SPATA31H1: variants seen among roughly 807,000 people sequenced by gnomAD.
SPATA31H1 encodes spermatogenesis-associated protein 31H1.
chr2:27,572,616 C>G, the SPATA31H1 span: 238 of 398,138 alleles, frequency 6.0e-4, 1 homozygote, highest in African/African-American at 4.2e-3. Flanking sequence ...GCCACAACTT[C>G]AAGGTGTGAA....
chr2:27,544,843 C>T, the SPATA31H1 span, among the ~76,000 whole-genome samples: 17 of 151,736 alleles, frequency 1.1e-4, no homozygotes, highest in Admixed American at 6.6e-4. Context: ...CCACTTCATC[C>T]GGCCGACAAC....
the SPATA31H1 span, among the ~76,000 whole-genome samples, chr2:27,538,054 A>G: frequency 1.3e-5 from 2 of 152,072 alleles, no homozygotes; most frequent in African/African-American, 4.8e-5. Context: ...AGCGTATTGG[A>G]TGTGTTTGAG....
chr2:27,569,955 T>C, the SPATA31H1 span: 188 of 398,900 alleles, frequency 4.7e-4, 1 homozygote, highest in African/African-American at 3.4e-3. Flanking sequence ...ATCTGATGAA[T>C]TGACCTCAGA....
chr2:27,580,946 A>C, the SPATA31H1 span: 1 of 1,614,244 alleles, frequency 6.2e-7, no homozygotes, highest in African/African-American at 1.3e-5. Context: ...CCAAGCCCAC[A>C]GATTCCCAAA....
At chr2:27,575,967 A>G in the SPATA31H1 span, 4 of 398,378 alleles carry the variant, frequency 1.0e-5, no homozygotes, top group African/African-American at 8.2e-5. The surrounding 1 kb of genome is among the most constrained non-coding windows in gnomAD (Gnocchi z 4.1). Flanking sequence ...GACACCTATG[A>G]TGTTCAACCC....
chr2:27,555,142 A>G, the SPATA31H1 span, among the ~76,000 whole-genome samples: 3 of 151,960 alleles, frequency 2.0e-5, no homozygotes, highest in Non-Finnish European at 4.4e-5. Context: ...ATCAATTTAT[A>G]GGATCATGTG....
chr2:27,581,709 C>G, the SPATA31H1 span: 1 of 1,613,272 alleles, frequency 6.2e-7, no homozygotes, highest in South Asian at 1.1e-5. Context: ...ACATCACAGT[C>G]CCTCTAAGAG....
At chr2:27,574,717 T>A in the SPATA31H1 span, 1 of 398,370 alleles carries the variant, frequency 2.5e-6, no homozygotes, top group Non-Finnish European at 4.4e-6. Context: ...TTACAAGGTG[T>A]GACATCTTCT....
the SPATA31H1 span, chr2:27,577,649 T>C: frequency 6.2e-7 from 1 of 1,613,970 alleles, no homozygotes; most frequent in African/African-American, 1.3e-5. This position sits in a 1 kb window ranked among gnomAD's most constrained non-coding sequence, Gnocchi z 4.5. Flanking sequence ...ATCGAGTTCC[T>C]GAATCTGTGG....
the SPATA31H1 span, among the ~76,000 whole-genome samples, chr2:27,554,716 G>A: frequency 6.6e-6 from 1 of 152,022 alleles, no homozygotes; most frequent in Non-Finnish European, 1.5e-5. Flanking sequence ...TGGGATTACA[G>A]GCATGTGCCA....
chr2:27,561,022 A>T, the SPATA31H1 span, among the ~76,000 whole-genome samples: 9 of 152,126 alleles, frequency 5.9e-5, no homozygotes, highest in African/African-American at 2.2e-4. Context: ...TTCCATTTGC[A>T]TGTGGGAAGG....
chr2:27,555,904 C>T, the SPATA31H1 span, among the ~76,000 whole-genome samples: 4 of 151,930 alleles, frequency 2.6e-5, no homozygotes, highest in East Asian at 1.9e-4. Context: ...GAAGCTGAGG[C>T]GAGCGGATCA....
chr2:27,556,919 C>G, the SPATA31H1 span, among the ~76,000 whole-genome samples: 11 of 83,896 alleles, frequency 1.3e-4, no homozygotes, highest in African/African-American at 4.9e-4. Context: ...TGACTCTTAA[C>G]GAGCATGCTG....
the SPATA31H1 span, among the ~76,000 whole-genome samples, chr2:27,540,505 C>T: frequency 8.4e-6 from 1 of 119,018 alleles, no homozygotes; most frequent in Non-Finnish European, 1.7e-5. Context: ...CCGGACGGGG[C>T]GGCTGGCCGG....
chr2:27,549,223 T>A, the SPATA31H1 span, among the ~76,000 whole-genome samples: 1 of 152,006 alleles, frequency 6.6e-6, no homozygotes, highest in Non-Finnish European at 1.5e-5. Flanking sequence ...CTAAGACTTA[T>A]CAGAATTCAT....
At chr2:27,577,117 C>A in the SPATA31H1 span, 2 of 1,614,128 alleles carry the variant, frequency 1.2e-6, no homozygotes, top group Non-Finnish European at 1.7e-6. This position sits in a 1 kb window ranked among gnomAD's most constrained non-coding sequence, Gnocchi z 4.5. Flanking sequence ...GTGGGGTTGA[C>A]CCCAAAGCTA....
At chr2:27,568,486 C>T in the SPATA31H1 span, 5 of 398,892 alleles carry the variant, frequency 1.3e-5, no homozygotes, top group South Asian at 3.8e-4. Flanking sequence ...ATTCCAGTGG[C>T]ACTATTACAA....
the SPATA31H1 span, chr2:27,579,519 A>G: frequency 6.2e-7 from 1 of 1,614,120 alleles, no homozygotes; most frequent in Admixed American, 1.7e-5. Flanking sequence ...ACGTGGCTCC[A>G]CATCTTCCAT....
the SPATA31H1 span, chr2:27,572,806 T>A: frequency 2.5e-6 from 1 of 398,314 alleles, no homozygotes; most frequent in Non-Finnish European, 4.4e-6. Flanking sequence ...TCATCTCAAC[T>A]GACTCTAGGG....
Sources: gnomAD v4.1 joint callset for allele counts (sites outside exome capture counted in the v4.1 genomes callset) on GRCh38, gnomAD v4.1.1 for gene constraint, Gnocchi (gnomAD v3.1) non-coding constraint, MANE v1.5 for transcripts, NCBI Gene and HGNC (gene_info 2026-07-23, HGNC 2026-07-21) for gene names.